Variants in KIF9 observed in about 807,000 individuals in gnomAD.
KIF9 encodes the protein kinesin family member 9.
A neutral mutation model predicts 94.8 loss-of-function variants in KIF9; 68 were observed. The ratio of observed to expected loss-of-function variants is 0.72; its 90% CI spans 0.59 to 0.88. The LOEUF (loss-of-function observed/expected upper bound fraction) is 0.88. Ranked by LOEUF, KIF9 falls within the 40% of genes least tolerant of loss-of-function variation. KIF9 has a pLI of 0.00. For synonymous variants in KIF9, 343 were observed against 362.1 expected (o/e 0.95, Z 0.60); for missense variants, 882 against 982.5 (o/e 0.90, Z 1.37).
intron 13 of KIF9, 172 bp downstream of exon 13, chr3:47,246,024 CA>C: frequency 1.7e-6 from 1 of 586,024 alleles, no homozygotes; most frequent in Non-Finnish European, 3.1e-6. Context: ...ACCTCCTGTC[CA>C]ATTAATGAAC....
chr3:47,248,536 G>A (rs1300023589), intron 10 of KIF9, among the ~76,000 whole-genome samples: 16 of 151,968 alleles, frequency 1.1e-4, no homozygotes, highest in African/African-American at 4.8e-5. Flanking sequence ...TCCGCCTCCC[G>A]GGTTCAAGTG....
At chr3:47,240,690 C>A (rs1272190035) in intron 17 of KIF9, 111 bp downstream of exon 17, 3 of 870,422 alleles carry the variant, frequency 3.4e-6, no homozygotes, top group Non-Finnish European at 5.6e-6. Flanking sequence ...CATCCCAGCA[C>A]CCCCACTGGC....
At chr3:47,250,108 A>AAAT (rs1553618363) in intron 10 of KIF9, among the ~76,000 whole-genome samples, 2 of 151,674 alleles carry the variant, frequency 1.3e-5, no homozygotes, top group Admixed American at 1.3e-4. Flanking sequence ...AAAATCTCTA[A>AAAT]TTTTTTTTCA....
intron 1 of KIF9, among the ~76,000 whole-genome samples, chr3:47,280,169 G>A (rs138209048): frequency 6.6e-6 from 1 of 152,158 alleles, no homozygotes; most frequent in East Asian, 1.9e-4. Flanking sequence ...TGTTGCCCAG[G>A]CTGGTCTCAA....
At chr3:47,281,594 C>T (rs1017275816) in intron 1 of KIF9, among the ~76,000 whole-genome samples, 1 of 152,176 alleles carries the variant, frequency 6.6e-6, no homozygotes, top group Non-Finnish European at 1.5e-5. Context: ...GCAATCCGCT[C>T]ACCTCAGCCT....
At chr3:47,272,012 C>T (rs901358009) in intron 4 of KIF9, among the ~76,000 whole-genome samples, 2 of 152,004 alleles carry the variant, frequency 1.3e-5, no homozygotes, top group African/African-American at 2.4e-5. Context: ...CCCAGCGACT[C>T]GGGAGGCTGA....
chr3:47,243,573 C>A (rs1030593297), intron 15 of KIF9: 1 of 192,706 alleles, frequency 5.2e-6, no homozygotes. Context: ...GGAACCACCA[C>A]GGCTGCTGAG....
rs1429283466 is a variant in KIF9 at position 47,257,561 on chromosome 3, C to T, written c.982-1G>A. ...TGCTGGCAAATCTCAGTGAAGATAG[C>T]TGCAAAACAGAGCAGGTAGACATTA... On this transcript the variant is annotated splice_acceptor_variant, in intron 9 of 20. Coordinates refer to ENST00000684063, the MANE Select transcript of KIF9 (RefSeq NM_182902.4). LOFTEE classifies it high-confidence loss of function. 1 of 1,613,060 alleles carries T rather than the reference C, an allele frequency of 6.2e-7. No homozygotes were observed. Among genetic ancestry groups the T allele is most frequent in the East Asian group, 2.2e-5 (1 of 44,890 alleles).
chr3:47,264,935 G>A (rs566644504), intron 8 of KIF9, among the ~76,000 whole-genome samples: 35 of 152,338 alleles, frequency 2.3e-4, no homozygotes, highest in Admixed American at 5.2e-4. Flanking sequence ...GTGAGGATAC[G>A]CGAGAAGGTA....
intron 13 of KIF9, 63 bp downstream of exon 13, chr3:47,246,134 A>G: frequency 6.8e-7 from 1 of 1,463,836 alleles, no homozygotes. Flanking sequence ...GCAAGTGCCC[A>G]GATGGCAGGA....
intron 1 of KIF9, among the ~76,000 whole-genome samples, chr3:47,279,844 C>A (rs1381284847): frequency 6.6e-6 from 1 of 152,104 alleles, no homozygotes; most frequent in Non-Finnish European, 1.5e-5. Context: ...GTCTCGATCT[C>A]CTGACCTCGT....
intron 7 of KIF9, among the ~76,000 whole-genome samples, chr3:47,266,678 T>C (rs922830817): frequency 6.6e-6 from 1 of 152,046 alleles, no homozygotes; most frequent in African/African-American, 2.4e-5. Flanking sequence ...CACAGAGAAA[T>C]GCTATACCAG....
At position 47,249,816 on chromosome 3, in the gene KIF9, G is replaced by A. The variant is rs545672429; in HGVS notation, c.1060-1730C>T. Among the ~76,000 whole-genome samples, 10 of 152,264 alleles carry A rather than the reference G, an allele frequency of 6.6e-5. No homozygotes were observed. In the South Asian group the frequency reaches 1.9e-3, roughly 28 times the overall value. On this transcript the variant is annotated intron_variant, in intron 10 of 20. Coordinates refer to ENST00000684063, the MANE Select transcript of KIF9 (RefSeq NM_182902.4). ...CTCATCCCTGCAATTCCAGTACTTA[G>A]GGAGGCCAAGGCAGGTGGATCATCT...
intron 15 of KIF9, 98 bp downstream of exon 15, chr3:47,244,693 C>T: frequency 6.9e-7 from 1 of 1,458,992 alleles, no homozygotes; most frequent in South Asian, 1.2e-5. Flanking sequence ...AACCCAGTAG[C>T]TGAGACACCA....
chr3:47,271,390 A>G lies in KIF9; in HGVS notation c.438T>C (p.Asn146=). Reference sequence around the variant, plus strand: ...TGGACAGGAGATCAAACAGGCTCTCATTATAGATTTCCAAGTAGGAAACAC... The same window carrying G: ...TGGACAGGAGATCAAACAGGCTCTCGTTATAGATTTCCAAGTAGGAAACAC... The part of the protein sequence containing the change: ...TVRVSYLEIY[N]ESLFDLLSTL... Residue 146 remains asparagine (N), a synonymous_variant, in exon 5 of 21, where the codon AAT becomes AAC. Coordinates refer to ENST00000684063, the MANE Select transcript of KIF9 (RefSeq NM_182902.4). 1.9e-6 allele frequency: 3 copies of G among 1,613,938 alleles called. No individual in the cohort carries two copies. Among genetic ancestry groups the G allele is most frequent in the Non-Finnish European group, 1.7e-6 (2 of 1,179,896 alleles).
At chr3:47,241,741 GTA>G (rs1200988046) in intron 16 of KIF9, among the ~76,000 whole-genome samples, 1 of 143,798 alleles carries the variant, frequency 7.0e-6, no homozygotes, top group Non-Finnish European at 1.5e-5. Flanking sequence ...ATATGTGTGT[GTA>G]TATATACGTA....
intron 9 of KIF9, among the ~76,000 whole-genome samples, chr3:47,257,923 G>A (rs1700726022): frequency 2.0e-5 from 3 of 152,050 alleles, no homozygotes; most frequent in East Asian, 1.9e-4. Context: ...GCCTTCCTGC[G>A]TTCCACTCTC....
At chr3:47,239,550 A>G (rs1456620327) in intron 17 of KIF9, 4 of 1,093,830 alleles carry the variant, frequency 3.7e-6, no homozygotes, top group Non-Finnish European at 4.5e-6. Flanking sequence ...CCCAAGAATT[A>G]GAAAATAAAG....
In KIF9 at chr3:47,240,807, T is replaced by C. The variant is rs1214418157; in HGVS notation, c.1918A>G (p.Lys640Glu). 1 of 1,613,630 alleles carries C rather than the reference T, an allele frequency of 6.2e-7. No homozygotes were observed. The highest frequency in any genetic ancestry group is 8.5e-7 in the Non-Finnish European group (1 of 1,179,588). Residue 640 changes from lysine (K) to glutamate (E), a missense_variant, in exon 17 of 21, where the codon AAG becomes GAG. Physicochemically the swap from Lys to Glu is moderately conservative, Grantham distance 56. Transcript: ENST00000684063. ...CTCTTTCCAACACATTTACCTTGCT[T>C]CTCCCGTAGTGACTTCTGGAAATTC... is the stretch of plus-strand genomic sequence containing the variant. ...ALNFQKSLRE[K>E]QGKYENKGLM...
Sources: gnomAD v4.1 joint callset for allele counts (sites outside exome capture counted in the v4.1 genomes callset) on GRCh38, gnomAD v4.1.1 for gene constraint, MANE v1.5 for transcripts, NCBI Gene and HGNC (gene_info 2026-07-23, HGNC 2026-07-21) for gene names.